Variants in PKHD1 observed in about 807,000 individuals in gnomAD.
The protein encoded by PKHD1 is fibrocystin.
In PKHD1, 291 loss-of-function variants were observed where a neutral mutation model predicts 412.0. That is an observed-to-expected ratio of 0.71 (90% CI 0.64 to 0.78). The LOEUF (loss-of-function observed/expected upper bound fraction) is 0.78. Ranked by LOEUF, PKHD1 falls within the 30% of genes least tolerant of loss-of-function variation. The pLI, the probability that PKHD1 is intolerant of heterozygous loss-of-function variation, is 0.00. For missense variants in PKHD1, 4,825 were observed against 4,950.7 expected (o/e 0.97, Z 0.76); for synonymous variants, 1,777 against 1,821.5 (o/e 0.98, Z 0.62).
intron 35 of PKHD1, among the ~76,000 whole-genome samples, chr6:52,006,163 A>G (rs1435410972): frequency 1.3e-5 from 2 of 151,636 alleles, no homozygotes; most frequent in Admixed American, 6.6e-5. Context: ...CATCTAGGTC[A>G]CTAAAAAATT....
chr6:51,823,741 T>G (rs555117435), intron 52 of PKHD1, among the ~76,000 whole-genome samples: 1 of 152,210 alleles, frequency 6.6e-6, no homozygotes, highest in Admixed American at 6.5e-5. Flanking sequence ...AAAGCATATA[T>G]AGTTGAGGGA....
intron 60 of PKHD1, among the ~76,000 whole-genome samples, chr6:51,672,955 A>G (rs970988784): frequency 1.3e-5 from 2 of 152,170 alleles, no homozygotes; most frequent in Non-Finnish European, 2.9e-5. Flanking sequence ...ACTGTGGGGG[A>G]AAAAGCATAC....
chr6:51,764,808 A>G (rs1788700635), intron 55 of PKHD1, among the ~76,000 whole-genome samples: 1 of 151,830 alleles, frequency 6.6e-6, no homozygotes, highest in Admixed American at 6.6e-5. Context: ...TCAGACCCTC[A>G]TGTTCTCCAT....
intron 61 of PKHD1, among the ~76,000 whole-genome samples, chr6:51,651,336 A>C (rs1477721276): frequency 1.3e-5 from 2 of 152,126 alleles, no homozygotes; most frequent in East Asian, 3.9e-4. Context: ...GATATGTTAT[A>C]ATAGTGCAAT....
At chr6:51,666,615 A>G (rs1449188886) in intron 60 of PKHD1, among the ~76,000 whole-genome samples, 1 of 151,776 alleles carries the variant, frequency 6.6e-6, no homozygotes, top group Non-Finnish European at 1.5e-5. Flanking sequence ...ACATATGTAT[A>G]CATGTGCCAT....
At position 52,017,617 on chromosome 6, in the gene PKHD1, A is replaced by T; in HGVS notation, c.5393T>A (p.Phe1798Tyr). 1.2e-6 allele frequency: 2 copies of T among 1,613,332 alleles called. No individual in the cohort carries two copies. Among genetic ancestry groups the T allele is most frequent in the Non-Finnish European group, 1.7e-6 (2 of 1,179,672 alleles). Residue 1798 changes from phenylalanine (F) to tyrosine (Y), a missense_variant, in exon 34 of 67, where the codon TTC becomes TAC. Coordinates refer to ENST00000371117, the MANE Select transcript of PKHD1 (RefSeq NM_138694.4). ...CTCCTCACGCTTCAGGCCACACAGG[A>T]AGGCCAAGGACACTGCAGGAAACAG... Reference protein sequence around the residue: ...LVLPLDVSLAFLCGLKREEDS... With the variant: ...LVLPLDVSLAYLCGLKREEDS...
rs1581812316 is a variant in PKHD1, at chr6:52,025,913, T to G, written c.3897A>C (p.Ala1299=). Residue 1299 remains alanine, a synonymous_variant, in exon 32 of 67, where the codon GCA becomes GCC. Coordinates refer to ENST00000371117, the MANE Select transcript of PKHD1 (RefSeq NM_138694.4). ...KGFTFMYEAA[A]TPVVTAMQGE... Reference sequence around the variant, plus strand: ...CTTGCATGGCAGTGACTACTGGTGTTGCTGCCGCTTCATACATGAAGGTGA... The same window carrying G: ...CTTGCATGGCAGTGACTACTGGTGTGGCTGCCGCTTCATACATGAAGGTGA... 8 of 1,614,064 alleles carry G rather than the reference T, an allele frequency of 5.0e-6. No homozygotes were observed. The highest frequency in any genetic ancestry group is 6.8e-6 in the Non-Finnish European group (8 of 1,180,046).
chr6:51,788,870 T>C (rs757679892), intron 53 of PKHD1, among the ~76,000 whole-genome samples: 8 of 152,216 alleles, frequency 5.3e-5, no homozygotes, highest in Non-Finnish European at 8.8e-5. Flanking sequence ...ATGTTTAATA[T>C]CCCTCTGAAG....
At chr6:52,006,708 G>A (rs557522048) in intron 35 of PKHD1, among the ~76,000 whole-genome samples, 7 of 152,082 alleles carry the variant, frequency 4.6e-5, no homozygotes, top group South Asian at 2.1e-4. Context: ...TTTTATTTCC[G>A]TAGGTTTTGG....
chr6:51,967,494 G>A (rs1792990795), intron 35 of PKHD1, among the ~76,000 whole-genome samples: 1 of 152,174 alleles, frequency 6.6e-6, no homozygotes, highest in South Asian at 2.1e-4. Context: ...ACAGCTACCT[G>A]AGACTTGAGG....
In PKHD1 at chr6:52,079,985, T is replaced by A; in HGVS notation, c.305A>T (p.Glu102Val). 6.2e-7 allele frequency: 1 copy of A among 1,605,812 alleles called. No individual in the cohort carries two copies. The highest frequency in any genetic ancestry group is 8.5e-7 in the Non-Finnish European group (1 of 1,172,476). Reference sequence around the variant, plus strand: ...GTATGCTTCCAGGAAGTACAGACCCTCATGTGCTTCAGACAGCACAGATCT... The same window carrying A: ...GTATGCTTCCAGGAAGTACAGACCCACATGTGCTTCAGACAGCACAGATCT... ...RTRSVLSEAH[E>V]GLYFLEAYFG... The change falls in exon 5 of 67, where the codon GAG (glutamate) becomes GTG (valine). Residue 102 changes from glutamate to valine, a missense_variant. By Grantham distance (121) the Glu-to-Val change is moderately radical (BLOSUM62 -2). Transcript: ENST00000371117.
intron 5 of PKHD1, among the ~76,000 whole-genome samples, chr6:52,079,373 C>G (rs1233259075): frequency 6.6e-6 from 1 of 152,102 alleles, no homozygotes; most frequent in Non-Finnish European, 1.5e-5. Context: ...AGAAATATAC[C>G]AGGAAGCAGG....
chr6:51,864,304 G>C (rs938423779), intron 48 of PKHD1, among the ~76,000 whole-genome samples: 1 of 152,148 alleles, frequency 6.6e-6, no homozygotes, highest in Non-Finnish European at 1.5e-5. Context: ...TTCTTTAAAA[G>C]TTTCACGCAA....
At position 52,024,978 on chromosome 6, in the gene PKHD1, T is replaced by G. The variant is rs1251481714; in HGVS notation, c.4832A>C (p.Gln1611Pro). 2 of 1,614,248 alleles carry G rather than the reference T, an allele frequency of 1.2e-6. No individual in the cohort carries two copies. Among genetic ancestry groups the G allele is most frequent in the East Asian group, 2.2e-5 (1 of 44,888 alleles). Residue 1611 changes from glutamine to proline, a missense_variant, in exon 32 of 67, where the codon CAG (glutamine) becomes CCG (proline). Gln to Pro is a moderately conservative substitution (Grantham distance 76). Coordinates refer to ENST00000371117, the MANE Select transcript of PKHD1 (RefSeq NM_138694.4). The stretch of plus-strand genomic sequence containing the variant: ...ACCGATGTTCACCGTCAGGCAGGTC[T>G]GCTGGTCAATATAGACTGACGTGGT... ...QNTTSVYIDQ[Q>P]TCLTVNIGAE...
At chr6:51,720,751 A>ATGTGTGTGTGTGTGTG (rs200344730) in intron 60 of PKHD1, 1 of 142,702 alleles carries the variant, frequency 7.0e-6, no homozygotes, top group South Asian at 2.3e-4. Context: ...GTGTATGTAT[A>ATGTGTGTGTGTGTGTG]TGTGTGTGTG....
chr6:51,721,573 A>G, intron 60 of PKHD1: 1 of 1,002,858 alleles, frequency 1.0e-6, no homozygotes, highest in Non-Finnish European at 1.2e-6. Context: ...CCAATTTAAT[A>G]TCTGAATTGC....
At chr6:52,001,397 G>T (rs1798369320) in intron 35 of PKHD1, among the ~76,000 whole-genome samples, 1 of 150,896 alleles carries the variant, frequency 6.6e-6, no homozygotes, top group Non-Finnish European at 1.5e-5. Flanking sequence ...TCATACTCTT[G>T]AGAGAAAGAC....
intron 36 of PKHD1, among the ~76,000 whole-genome samples, chr6:51,948,392 C>A (rs543910821): frequency 6.6e-6 from 1 of 152,296 alleles, no homozygotes; most frequent in East Asian, 1.9e-4. Context: ...TTTTTGCTCC[C>A]TTGCCTCACA....
chr6:51,899,980 AAGG>A (rs1289622929), intron 43 of PKHD1, among the ~76,000 whole-genome samples: 1 of 152,120 alleles, frequency 6.6e-6, no homozygotes, highest in African/African-American at 2.4e-5. Context: ...GGACCTCTTC[AAGG>A]AGAACTACAA....
Sources: gnomAD v4.1 joint callset for allele counts (sites outside exome capture counted in the v4.1 genomes callset) on GRCh38, gnomAD v4.1.1 for gene constraint, MANE v1.5 for transcripts, NCBI Gene and HGNC (gene_info 2026-07-23, HGNC 2026-07-21) for gene names.